FANCL: variants seen among roughly 807,000 people sequenced by gnomAD.
FANCL encodes the protein E3 ubiquitin-protein ligase FANCL.
Under a neutral mutation model 59.4 loss-of-function variants are expected in FANCL, and 69 were observed. The ratio of observed to expected loss-of-function variants is 1.16; its 90% confidence interval spans 0.96 to 1.42. FANCL has a LOEUF of 1.42. Ranked by LOEUF, FANCL falls within the 40% of genes most tolerant of loss-of-function variation. The pLI is 0.00. For synonymous variants in FANCL, 180 were observed against 147.1 expected (o/e 1.22, Z -1.62); for missense variants, 519 against 447.2 (o/e 1.16, Z -1.45).
In FANCL at chr2:58,165,452, C is replaced by A. The variant is rs556655423; in HGVS notation, c.691+272G>T. ...TGTAAATTTTGAGTTACCTGTTCCA[C>A]GATTCCTGTGCTAATTAGCAGCTAA... On this transcript the variant is annotated intron_variant, in intron 8 of 13. Transcript: ENST00000233741. Among the ~76,000 whole-genome samples, 7 of 152,224 alleles carry A rather than the reference C, an allele frequency of 4.6e-5. No individual in the cohort carries two copies. The South Asian group carries it at 1.2e-3, about 27-fold the overall frequency.
intron 4 of FANCL, among the ~76,000 whole-genome samples, chr2:58,225,973 C>G (rs72948885): frequency 0.02 from 2,997 of 152,052 alleles, 115 homozygotes; most frequent in African/African-American, 0.069. Context: ...AAATTATTAA[C>G]TTTATTGAGG....
chr2:58,169,900 T>C (rs779974378), intron 7 of FANCL, among the ~76,000 whole-genome samples: 5 of 152,044 alleles, frequency 3.3e-5, no homozygotes, highest in Admixed American at 6.6e-5. Flanking sequence ...AATATCAGAC[T>C]ATGTGAAAAG....
intron 7 of FANCL, among the ~76,000 whole-genome samples, chr2:58,188,613 G>T (rs891529885): frequency 6.6e-6 from 1 of 151,704 alleles, no homozygotes; most frequent in Non-Finnish European, 1.5e-5. Context: ...GCTGATTTTT[G>T]TATTTTTTGT....
intron 2 of FANCL, among the ~76,000 whole-genome samples, chr2:58,231,406 T>A (rs1335690605): frequency 6.6e-6 from 1 of 152,348 alleles, no homozygotes; most frequent in East Asian, 1.9e-4. Flanking sequence ...TACTTTTCCA[T>A]CTGTGACCTC....
In FANCL at chr2:58,172,094, G is replaced by C. The variant is rs541858058; in HGVS notation, c.541-6220C>G. On this transcript the variant is annotated intron_variant, in intron 7 of 13. Transcript: ENST00000233741. ...GCTAGCTTAGGAAAACAAAGCAGCC[G>C]GGAAGCTCGAACTGGGTGGAGCCCA... Among the ~76,000 whole-genome samples, 22 of 152,342 alleles carry C rather than the reference G, an allele frequency of 1.4e-4. No individual in the cohort carries two copies. The South Asian group carries it at 1.4e-3, about 10-fold the overall frequency.
intron 7 of FANCL, among the ~76,000 whole-genome samples, chr2:58,197,949 T>C (rs1689591622): frequency 6.6e-6 from 1 of 151,688 alleles, no homozygotes; most frequent in Non-Finnish European, 1.5e-5. Flanking sequence ...CTTTGGAATT[T>C]AAATTTAAAG....
chr2:58,240,798 C>T (rs1449870682), intron 1 of FANCL, among the ~76,000 whole-genome samples: 2 of 152,154 alleles, frequency 1.3e-5, no homozygotes, highest in African/African-American at 4.8e-5. Context: ...GTTCTTTCTA[C>T]AGGAAACACG....
chr2:58,163,425 A>T lies in FANCL; in HGVS notation c.775+9T>A. On this transcript the variant is annotated intron_variant, in intron 9 of 13. Transcript: ENST00000233741. ...CTATTAAAAAACGTTTAAATCTCAG[A>T]TGTCATACCATGGTCAGCTCCAAGA... 1.3e-6 allele frequency: 2 copies of T among 1,587,790 alleles called. No individual in the cohort carries two copies. Among genetic ancestry groups the T allele is most frequent in the Non-Finnish European group, 1.7e-6 (2 of 1,156,352 alleles).
chr2:58,187,191 T>C (rs1688486499), intron 7 of FANCL, among the ~76,000 whole-genome samples: 1 of 151,898 alleles, frequency 6.6e-6, no homozygotes, highest in Non-Finnish European at 1.5e-5. Flanking sequence ...ATAGACTGGA[T>C]TAAGAAAATA....
At chr2:58,213,410 G>C (rs559640853) in intron 5 of FANCL, 19 of 152,234 alleles carry the variant, frequency 1.2e-4, no homozygotes, top group African/African-American at 3.9e-4. Flanking sequence ...TAAAAATAAA[G>C]TTGATAGGTT....
At chr2:58,199,683 G>A (rs1689798550) in intron 6 of FANCL, among the ~76,000 whole-genome samples, 1 of 152,056 alleles carries the variant, frequency 6.6e-6, no homozygotes, top group East Asian at 1.9e-4. Flanking sequence ...TTCCTTATTA[G>A]AGAATCATAC....
intron 7 of FANCL, among the ~76,000 whole-genome samples, chr2:58,189,048 AATCAATGGTAGCATAAAGCAC>A (rs961463035): frequency 1.3e-5 from 2 of 152,172 alleles, no homozygotes; most frequent in African/African-American, 4.8e-5. Context: ...ACTGCAAACA[AATCAATGGTAGCATAAAGCAC>A]ATCAGTAGTT....
At chr2:58,172,395 G>C (rs1178391101) in intron 7 of FANCL, among the ~76,000 whole-genome samples, 2 of 152,172 alleles carry the variant, frequency 1.3e-5, no homozygotes, top group Non-Finnish European at 2.9e-5. Flanking sequence ...GTACTCCTCT[G>C]AGACAAAACT....
chr2:58,233,843 T>C (rs1476077360), intron 1 of FANCL, among the ~76,000 whole-genome samples: 2 of 151,958 alleles, frequency 1.3e-5, no homozygotes, highest in Non-Finnish European at 2.9e-5. Context: ...TGGGAAAGAA[T>C]GCTTTAGAGG....
chr2:58,159,840 C>G (rs766641449), intron 13 of FANCL, 40 bp from the exon 14 acceptor site: 6 of 1,608,424 alleles, frequency 3.7e-6, no homozygotes, highest in Non-Finnish European at 5.1e-6. Context: ...TTTGTGGACA[C>G]TCTAAAAAAT....
chr2:58,237,981 G>A (rs572392708), intron 1 of FANCL, among the ~76,000 whole-genome samples: 25 of 152,308 alleles, frequency 1.6e-4, no homozygotes, highest in African/African-American at 4.8e-4. Flanking sequence ...CATGTGGTGA[G>A]GAACTAAGGC....
chr2:58,216,437 G>A (rs902449863), intron 5 of FANCL, among the ~76,000 whole-genome samples: 3 of 152,036 alleles, frequency 2.0e-5, no homozygotes, highest in Non-Finnish European at 2.9e-5. Flanking sequence ...TGCAGCAGGG[G>A]CAATGAGAAA....
intron 3 of FANCL, among the ~76,000 whole-genome samples, chr2:58,229,024 T>C (rs1338366666): frequency 6.6e-6 from 1 of 152,206 alleles, no homozygotes; most frequent in African/African-American, 2.4e-5. Context: ...TCTGTAATTA[T>C]ATTGCCAGGA....
At chr2:58,176,017 C>T (rs1379632168) in intron 7 of FANCL, among the ~76,000 whole-genome samples, 1 of 152,150 alleles carries the variant, frequency 6.6e-6, no homozygotes, top group Non-Finnish European at 1.5e-5. Context: ...CATGAGTGAA[C>T]TCCCATTCAC....
Sources: allele counts gnomAD v4.1 joint callset (sites outside exome capture counted in the v4.1 genomes callset), GRCh38; gene constraint gnomAD v4.1.1; transcripts MANE v1.5; gene names NCBI Gene and HGNC (gene_info 2026-07-23, HGNC 2026-07-21).